Variants in NT5M observed in about 807,000 individuals in gnomAD.
NT5M encodes 5',3'-nucleotidase, mitochondrial, also known as 5'(3')-deoxyribonucleotidase, mitochondrial.
Under a neutral mutation model 22.2 loss-of-function variants are expected in NT5M, and 22 were observed. The ratio of observed to expected loss-of-function variants is 0.99; its 90% CI spans 0.71 to 1.41. NT5M has a LOEUF of 1.41. Ranked by LOEUF, NT5M falls within the 40% of genes most tolerant of loss-of-function variation. NT5M has a pLI of 0.00. For synonymous variants in NT5M, 167 were observed against 133.0 expected, an observed-to-expected ratio of 1.26 and a Z score of -1.76; for missense variants, 322 against 314.8, an observed-to-expected ratio of 1.02 and a Z score of -0.17.
rs766768542 is a variant in NT5M at position 17,346,932 on chromosome 17, C to G, written c.672C>G (p.Ser224Arg). The change falls in exon 5 of 5, where the codon AGC (serine) becomes AGG (arginine). Residue 224 changes from serine (S) to arginine (R), a missense_variant. Coordinates refer to ENST00000389022, the MANE Select transcript of NT5M (RefSeq NM_020201.4). ...ACGACTGGAAGGCCATTCTGGACAG[C>G]AAGCGGCCCTGCTGAGCTGGACTGT... ...WADDWKAILDSKRPC is the reference protein window; with the variant it reads ...WADDWKAILDRKRPC The G allele has an allele frequency of 2.5e-6, 4 of 1,611,380 alleles. No individual in the cohort carries two copies. The highest frequency in any genetic ancestry group is 3.4e-6 in the Non-Finnish European group (4 of 1,179,920).
Position 17,327,660 on chromosome 17 carries a change from G to A in NT5M, c.429+4415G>A, listed in dbSNP as rs1317906438. Among the ~76,000 whole-genome samples the A allele has an allele frequency of 3.8e-5, 4 of 106,344 alleles. 2 individuals are homozygous for A. The highest frequency in any genetic ancestry group is 8.2e-5 in the Non-Finnish European group (4 of 48,722). 69.8% of individuals were successfully genotyped at this position (106,344 alleles called of 152,430 possible). A position where few individuals can be genotyped will look rare whatever the true frequency, so the allele number is the denominator to read the frequency against. ...AGCCTCCTAAGTAGCTGGGATTACA[G>A]GTGCGTGCCACCATGACCAGCTAAT... is the stretch of plus-strand genomic sequence containing the variant. On this transcript the variant is annotated intron_variant, in intron 3 of 4. Transcript: ENST00000389022.
At chr17:17,329,302 C>T (rs2049328621) in intron 3 of NT5M, among the ~76,000 whole-genome samples, 1 of 152,136 alleles carries the variant, frequency 6.6e-6, no homozygotes, top group South Asian at 2.1e-4. Context: ...TTTATTATCC[C>T]TGTTCTACAG....
intron 3 of NT5M, among the ~76,000 whole-genome samples, chr17:17,341,395 G>A (rs2049638237): frequency 6.6e-6 from 1 of 152,186 alleles, no homozygotes; most frequent in Non-Finnish European, 1.5e-5. Flanking sequence ...CTTGCCCAAG[G>A]TCCCCAGCTC....
At chr17:17,313,883 C>G (rs1202591310) in intron 2 of NT5M, among the ~76,000 whole-genome samples, 1 of 152,168 alleles carries the variant, frequency 6.6e-6, no homozygotes, top group Non-Finnish European at 1.5e-5. Context: ...AGGGGACTCT[C>G]CTGAGATGGC....
At chr17:17,334,519 G>A (rs1000733368) in intron 3 of NT5M, among the ~76,000 whole-genome samples, 33 of 138,678 alleles carry the variant, frequency 2.4e-4, no homozygotes, top group African/African-American at 8.8e-4. Flanking sequence ...TTGCTCTGTC[G>A]CCAGGCTGGA....
chr17:17,347,115 T>A lies in NT5M; in HGVS notation c.*168T>A. 3.3e-6 allele frequency: 3 copies of A among 898,104 alleles called. No homozygotes were observed. In the South Asian group the frequency reaches 5.3e-5, roughly 16 times the overall value. 55.6% of individuals were successfully genotyped at this position (898,104 alleles called of 1,614,324 possible). A position where few individuals can be genotyped will look rare whatever the true frequency, so the allele number is the denominator to read the frequency against. On this transcript the variant is annotated 3_prime_UTR_variant, in exon 5 of 5. Coordinates refer to ENST00000389022, the MANE Select transcript of NT5M (RefSeq NM_020201.4). ...CCAGCCCTGCCAGGCCTTAACCTGATCACGGGGCAGGGCTGGGCCCTCTGG... is the reference window on the plus strand; with the variant it reads ...CCAGCCCTGCCAGGCCTTAACCTGAACACGGGGCAGGGCTGGGCCCTCTGG...
chr17:17,329,264 C>T (rs112368485), intron 3 of NT5M, among the ~76,000 whole-genome samples: 8,905 of 152,234 alleles, frequency 0.058, 315 homozygotes, highest in South Asian at 0.1. Context: ...AGGCGTGAGC[C>T]GCAGCGCCTG....
intron 2 of NT5M, among the ~76,000 whole-genome samples, chr17:17,321,919 C>T (rs1281205300): frequency 6.6e-6 from 1 of 151,514 alleles, no homozygotes; most frequent in African/African-American, 2.4e-5. Flanking sequence ...GGAGGCAAAG[C>T]CTGAGACGAG....
intron 3 of NT5M, among the ~76,000 whole-genome samples, chr17:17,332,469 G>A (rs2049408340): frequency 6.6e-6 from 1 of 152,170 alleles, no homozygotes; most frequent in Non-Finnish European, 1.5e-5. Flanking sequence ...CTTGGAGAGA[G>A]CGCCTCCCCT....
Position 17,346,875 on chromosome 17 carries a change from G to GC in NT5M, c.622dup (p.Arg208ProfsTer55), listed in dbSNP as rs754390000. 22 of 1,607,520 alleles carry GC rather than the reference G, an allele frequency of 1.4e-5. No individual in the cohort carries two copies. The highest frequency in any genetic ancestry group is 4.0e-5 in the African/African-American group (3 of 74,906). On this transcript the variant is annotated frameshift_variant, in exon 5 of 5. Transcript: ENST00000389022. LOFTEE classifies it high-confidence loss of function. Reference sequence around the variant, plus strand: ...GCCACAACCAGCACCTGCAGCTGCAGCCCCCCCGCCGCAGGCTGCACTCGT... The same window carrying GC: ...GCCACAACCAGCACCTGCAGCTGCAGCCCCCCCCGCCGCAGGCTGCACTCGT...
At chr17:17,313,124 C>CTGGGTGTGG (rs1223739791) in intron 2 of NT5M, among the ~76,000 whole-genome samples, 32 of 151,664 alleles carry the variant, frequency 2.1e-4, no homozygotes, top group African/African-American at 5.6e-4. Flanking sequence ...AAAAAATTAG[C>CTGGGTGTGG]TGGGTGTGGT....
At chr17:17,336,661 C>T (rs1315085767) in intron 3 of NT5M, among the ~76,000 whole-genome samples, 1 of 151,766 alleles carries the variant, frequency 6.6e-6, no homozygotes, top group Non-Finnish European at 1.5e-5. Context: ...AGTGATTCTC[C>T]TGCCTCAGCC....
At chr17:17,322,387 T>C (rs3785506) in intron 2 of NT5M, among the ~76,000 whole-genome samples, 15,471 of 151,938 alleles carry the variant, frequency 0.1, 1,091 homozygotes, top group East Asian at 0.2. Context: ...CCAGTTTTGG[T>C]TGGGGCAGGA....
chr17:17,304,178 A>C (rs1246595694), intron 1 of NT5M, among the ~76,000 whole-genome samples: 2 of 152,196 alleles, frequency 1.3e-5, no homozygotes, highest in African/African-American at 2.4e-5. Context: ...CCGCAGTCAC[A>C]TTCCCACTTC....
intron 3 of NT5M, among the ~76,000 whole-genome samples, chr17:17,332,006 T>TC (rs1327666081): frequency 4.7e-5 from 7 of 148,546 alleles, no homozygotes; most frequent in Admixed American, 4.6e-4. Context: ...GGTCTTGATT[T>TC]CCCGACCTCA....
intron 2 of NT5M, among the ~76,000 whole-genome samples, chr17:17,313,439 C>T (rs1173867459): frequency 6.6e-6 from 1 of 152,144 alleles, no homozygotes; most frequent in Non-Finnish European, 1.5e-5. Flanking sequence ...GTAGAAGATT[C>T]CTATGGTCAG....
intron 1 of NT5M, among the ~76,000 whole-genome samples, chr17:17,304,126 T>C (rs2048741314): frequency 6.6e-6 from 1 of 152,228 alleles, no homozygotes; most frequent in East Asian, 1.9e-4. Flanking sequence ...TTGTTAAATT[T>C]TTAGAAAAAT....
intron 2 of NT5M, among the ~76,000 whole-genome samples, chr17:17,318,573 G>C (rs941898839): frequency 2.0e-5 from 3 of 150,846 alleles, no homozygotes; most frequent in Non-Finnish European, 4.4e-5. Flanking sequence ...ATCATCTGAG[G>C]TCCGGAGTTT....
intron 2 of NT5M, among the ~76,000 whole-genome samples, chr17:17,322,811 C>T (rs952168191): frequency 5.3e-5 from 8 of 152,212 alleles, no homozygotes; most frequent in Admixed American, 2.0e-4. Context: ...TTCAGGGACT[C>T]GATCACTGCA....
Sources: allele counts gnomAD v4.1 joint callset (sites outside exome capture counted in the v4.1 genomes callset), GRCh38; gene constraint gnomAD v4.1.1; transcripts MANE v1.5; gene names NCBI Gene and HGNC (gene_info 2026-07-23, HGNC 2026-07-21).